CCDC148: variants seen among roughly 807,000 people sequenced by gnomAD.
CCDC148 encodes the protein coiled-coil domain-containing protein 148.
Under a neutral mutation model 85.7 loss-of-function variants are expected in CCDC148, and 89 were observed. The ratio of observed to expected loss-of-function variants is 1.04; its 90% CI spans 0.87 to 1.24. The LOEUF is 1.24. Ranked by LOEUF, CCDC148 falls within the 50% of genes most tolerant of loss-of-function variation. The pLI, the probability that CCDC148 is intolerant of heterozygous loss-of-function variation, is 0.00. For missense variants in CCDC148, 692 were observed against 671.7 expected (o/e 1.03, Z -0.33); for synonymous variants, 230 against 213.9 (o/e 1.08, Z -0.66).
At chr2:158,408,909 A>G (rs1357080904) in intron 1 of CCDC148, among the ~76,000 whole-genome samples, 1 of 152,024 alleles carries the variant, frequency 6.6e-6, no homozygotes, top group Non-Finnish European at 1.5e-5. Context: ...TTGGATTTGC[A>G]TTTTCCAAAT....
intron 1 of CCDC148, among the ~76,000 whole-genome samples, chr2:158,398,032 G>A (rs1685606236): frequency 6.6e-6 from 1 of 152,074 alleles, no homozygotes; most frequent in South Asian, 2.1e-4. Context: ...GACAAAGAAG[G>A]CCATTACATA....
chr2:158,435,883 C>A (rs979033994), intron 1 of CCDC148, among the ~76,000 whole-genome samples: 9 of 152,070 alleles, frequency 5.9e-5, no homozygotes, highest in Non-Finnish European at 1.5e-5. Context: ...ACAAAGAAGG[C>A]CAATACATAA....
chr2:158,397,036 G>C (rs2105302118), intron 1 of CCDC148, among the ~76,000 whole-genome samples: 1 of 152,118 alleles, frequency 6.6e-6, no homozygotes, highest in Non-Finnish European at 1.5e-5. Context: ...TGAGAACAGG[G>C]ATGTACGGTG....
chr2:158,410,698 C>A lies in CCDC148; in HGVS notation c.25+45717G>T, dbSNP rs1184566030. ...TTTACTTCTTTTTGTATTGTGTATC[C>A]ATTAACAAATATTTTGTCCTTTAAT... On this transcript the variant is annotated intron_variant, in intron 1 of 13. Transcript: ENST00000283233. 1.8e-4 allele frequency among the ~76,000 whole-genome samples: 27 copies of A among 152,038 alleles called. 1 individual carries two copies. The highest frequency in any genetic ancestry group is 2.9e-5 in the Non-Finnish European group (2 of 67,994).
Position 158,384,276 on chromosome 2 carries a change from T to G in CCDC148, c.26-25706A>C, listed in dbSNP as rs563594227. ...TGATAAAGTTTAATTTCTCGTTAAATATGTAAGTTTTTGTTTGTTCATATC... is the reference window on the plus strand; with the variant it reads ...TGATAAAGTTTAATTTCTCGTTAAAGATGTAAGTTTTTGTTTGTTCATATC... On this transcript the variant is annotated intron_variant, in intron 1 of 13. Transcript: ENST00000283233. Among the ~76,000 whole-genome samples, 5 of 152,312 alleles carry G rather than the reference T, an allele frequency of 3.3e-5. No homozygotes were observed. In the East Asian group the frequency reaches 9.7e-4, roughly 29 times the overall value.
At chr2:158,288,847 A>G in intron 9 of CCDC148, 1 of 324,552 alleles carries the variant, frequency 3.1e-6, no homozygotes, top group Non-Finnish European at 6.1e-6. Context: ...CTGGGAAGAA[A>G]AAGAGGTTTA....
chr2:158,428,449 G>C (rs1488427942), intron 1 of CCDC148, among the ~76,000 whole-genome samples: 1 of 152,014 alleles, frequency 6.6e-6, no homozygotes, highest in Non-Finnish European at 1.5e-5. Flanking sequence ...TTTGGAGGCA[G>C]GTGTCAGGGA....
chr2:158,215,803 C>T (rs1055523408), intron 11 of CCDC148, among the ~76,000 whole-genome samples: 2 of 151,910 alleles, frequency 1.3e-5, no homozygotes, highest in African/African-American at 4.8e-5. Context: ...GGGCCTAACC[C>T]GCAATGTGAT....
At chr2:158,382,524 C>T (rs1482406564) in intron 1 of CCDC148, among the ~76,000 whole-genome samples, 1 of 152,108 alleles carries the variant, frequency 6.6e-6, no homozygotes, top group African/African-American at 2.4e-5. Context: ...AACTTATTTG[C>T]TCCAAGATAT....
intron 9 of CCDC148, among the ~76,000 whole-genome samples, chr2:158,292,779 G>A (rs1690953959): frequency 6.6e-6 from 1 of 152,134 alleles, no homozygotes; most frequent in African/African-American, 2.4e-5. Flanking sequence ...TGAATTAATG[G>A]CACGGGCAGA....
rs536589246 is a variant in CCDC148 at position 158,445,945 on chromosome 2, A to G, written c.25+10470T>C. On this transcript the variant is annotated intron_variant, in intron 1 of 13. Transcript: ENST00000283233. ...ATAGAAGAATTCAAACTCTAAGGAC[A>G]GTTCACCCCCATACTTGGCTTTAAT... Among the ~76,000 whole-genome samples, 3 of 152,322 alleles carry G rather than the reference A, an allele frequency of 2.0e-5. No homozygotes were observed. The East Asian group carries it at 5.8e-4, about 29-fold the overall frequency.
Position 158,220,650 on chromosome 2 carries a change from G to C in CCDC148, c.1315C>G (p.Arg439Gly). The C allele has an allele frequency of 6.3e-7, 1 of 1,596,322 alleles. No individual in the cohort carries two copies. The highest frequency in any genetic ancestry group is 8.5e-7 in the Non-Finnish European group (1 of 1,175,728). Residue 439 changes from arginine (R) to glycine (G), a missense_variant, in exon 11 of 14, where the codon CGT becomes GGT. Physicochemically the swap from Arg to Gly is moderately radical, Grantham distance 125. Transcript: ENST00000283233. The stretch of plus-strand genomic sequence containing the variant: ...ATTAATTTCTTCAGTTCTTCTAGAC[G>C]CTGAAGATCTCTCATTTCCATTTCT... ...WQEMEMRDLQ[R>G]LEELKKLIAE...
chr2:158,436,981 A>G (rs1336517670), intron 1 of CCDC148, among the ~76,000 whole-genome samples: 1 of 152,174 alleles, frequency 6.6e-6, no homozygotes, highest in Non-Finnish European at 1.5e-5. Flanking sequence ...TGAGGCAATA[A>G]TTAATAGCTT....
Position 158,430,778 on chromosome 2 carries a change from C to G in CCDC148, c.25+25637G>C, listed in dbSNP as rs575503198. ...AGCACAAAAAATCCAGTAAATAAAACAGAGAAATGGCAAAAATGATAGAAT... is the reference window on the plus strand; with the variant it reads ...AGCACAAAAAATCCAGTAAATAAAAGAGAGAAATGGCAAAAATGATAGAAT... On this transcript the variant is annotated intron_variant, in intron 1 of 13. Transcript: ENST00000283233. Among the ~76,000 whole-genome samples, 9 of 151,754 alleles carry G rather than the reference C, an allele frequency of 5.9e-5. No homozygotes were observed. The South Asian group carries it at 1.9e-3, about 32-fold the overall frequency.
At position 158,441,222 on chromosome 2, in the gene CCDC148, GT is replaced by G. The variant is rs555630089; in HGVS notation, c.25+15192del. 3.8e-3 allele frequency among the ~76,000 whole-genome samples: 577 copies of G among 152,248 alleles called. 2 individuals carry two copies. Among genetic ancestry groups the G allele is most frequent in the African/African-American group, 0.013 (555 of 41,550 alleles). ...TGAGTGGATCACGCTACAGTCCCAG[GT>G]TTGGACAAACTAGAGAGATTTCAAC... On this transcript the variant is annotated intron_variant, in intron 1 of 13. Coordinates refer to ENST00000283233, the MANE Select transcript of CCDC148 (RefSeq NM_138803.4).
At chr2:158,435,353 C>A (rs1044692667) in intron 1 of CCDC148, among the ~76,000 whole-genome samples, 3 of 152,160 alleles carry the variant, frequency 2.0e-5, no homozygotes, top group Non-Finnish European at 4.4e-5. Flanking sequence ...ATTTTCAACC[C>A]AGAATTTCAT....
intron 1 of CCDC148, among the ~76,000 whole-genome samples, chr2:158,389,262 A>G (rs1268956525): frequency 6.6e-6 from 1 of 152,208 alleles, no homozygotes; most frequent in Non-Finnish European, 1.5e-5. Context: ...CTACGACTTG[A>G]GGAAATATAT....
At chr2:158,320,853 G>A (rs1692489284) in intron 7 of CCDC148, among the ~76,000 whole-genome samples, 1 of 152,064 alleles carries the variant, frequency 6.6e-6, no homozygotes, top group Non-Finnish European at 1.5e-5. Context: ...CCATTACATT[G>A]TGCAGTCACT....
At chr2:158,448,234 A>G (rs1156601388) in intron 1 of CCDC148, among the ~76,000 whole-genome samples, 1 of 152,174 alleles carries the variant, frequency 6.6e-6, no homozygotes, top group East Asian at 1.9e-4. Flanking sequence ...AGTGTCTATC[A>G]TTATGCCAAT....
Sources: gnomAD v4.1 joint callset for allele counts (sites outside exome capture counted in the v4.1 genomes callset) on GRCh38, gnomAD v4.1.1 for gene constraint, MANE v1.5 for transcripts, NCBI Gene and HGNC (gene_info 2026-07-23, HGNC 2026-07-21) for gene names.